Variants in SLC2A13 observed in about 807,000 individuals in gnomAD.
The protein encoded by SLC2A13 is proton myo-inositol cotransporter.
SLC2A13 carries 32 observed loss-of-function variants against 64.4 expected under a neutral mutation model. The ratio of observed to expected loss-of-function variants is 0.50; its 90% CI spans 0.37 to 0.67. The LOEUF (loss-of-function observed/expected upper bound fraction) is 0.67. SLC2A13 is among the 30% of genes least tolerant of loss of function. The pLI is 0.00. For synonymous variants in SLC2A13, 338 were observed against 327.1 expected, an observed-to-expected ratio of 1.03 and a Z score of -0.36; for missense variants, 743 against 829.2, an observed-to-expected ratio of 0.90 and a Z score of 1.28.
chr12:39,942,566 C>A (rs887059303), intron 4 of SLC2A13, among the ~76,000 whole-genome samples: 1 of 152,126 alleles, frequency 6.6e-6, no homozygotes, highest in African/African-American at 2.4e-5. Flanking sequence ...AATCTTGTAC[C>A]AGGAAACTTT....
chr12:40,070,027 G>T (rs1937891606), intron 1 of SLC2A13, among the ~76,000 whole-genome samples: 1 of 151,964 alleles, frequency 6.6e-6, no homozygotes, highest in African/African-American at 2.4e-5. Flanking sequence ...TATCATAAGT[G>T]AATGCAATAA....
chr12:39,990,013 T>C (rs1257214314), intron 3 of SLC2A13, among the ~76,000 whole-genome samples: 1 of 152,212 alleles, frequency 6.6e-6, no homozygotes, highest in African/African-American at 2.4e-5. Flanking sequence ...GATAGGACTA[T>C]AGCTCTAATT....
At chr12:39,789,884 T>G (rs971266688) in intron 7 of SLC2A13, among the ~76,000 whole-genome samples, 1 of 152,156 alleles carries the variant, frequency 6.6e-6, no homozygotes, top group South Asian at 2.1e-4. Context: ...TTGGACAGTT[T>G]GCCTATTTCT....
intron 4 of SLC2A13, among the ~76,000 whole-genome samples, chr12:39,893,907 T>C (rs1944675866): frequency 6.6e-6 from 1 of 152,226 alleles, no homozygotes; most frequent in Admixed American, 6.5e-5. Flanking sequence ...AAATCCATTA[T>C]TTTTATTGAA....
chr12:40,021,260 A>G (rs28370668), intron 3 of SLC2A13, among the ~76,000 whole-genome samples: 1 of 152,236 alleles, frequency 6.6e-6, no homozygotes, highest in African/African-American at 2.4e-5. Context: ...ATATAACAAC[A>G]GAACAGTCAA....
chr12:39,773,280 TGA>T (rs1940651403), intron 7 of SLC2A13, among the ~76,000 whole-genome samples: 1 of 152,128 alleles, frequency 6.6e-6, no homozygotes, highest in Non-Finnish European at 1.5e-5. Context: ...TGCAATCAGG[TGA>T]AATATGTCTC....
intron 1 of SLC2A13, among the ~76,000 whole-genome samples, chr12:40,095,387 A>G (rs933047556): frequency 3.3e-5 from 5 of 152,208 alleles, no homozygotes; most frequent in Admixed American, 3.3e-4. Context: ...CTAAACATAC[A>G]CCTTTATTCC....
At chr12:39,831,407 C>T (rs1942847522) in intron 6 of SLC2A13, among the ~76,000 whole-genome samples, 1 of 152,096 alleles carries the variant, frequency 6.6e-6, no homozygotes, top group Non-Finnish European at 1.5e-5. Context: ...TTACTGTGTA[C>T]AAGTCGTGAT....
chr12:39,872,034 A>G (rs1253868964), intron 4 of SLC2A13, 73 bp from the exon 5 acceptor site: 1 of 1,316,054 alleles, frequency 7.6e-7, no homozygotes, highest in Non-Finnish European at 1.0e-6. Flanking sequence ...ATAGAAAAAG[A>G]TGTATTCAAT....
chr12:40,062,838 C>T (rs1948445764), intron 1 of SLC2A13, among the ~76,000 whole-genome samples: 1 of 152,036 alleles, frequency 6.6e-6, no homozygotes, highest in Non-Finnish European at 1.5e-5. Flanking sequence ...TACTACCCTG[C>T]TTTATCTATC....
chr12:39,990,958 A>T (rs1276853305), intron 3 of SLC2A13, among the ~76,000 whole-genome samples: 1 of 152,092 alleles, frequency 6.6e-6, no homozygotes, highest in Non-Finnish European at 1.5e-5. Context: ...TCTCCCCCTG[A>T]AGTGTGTGCC....
chr12:40,068,292 C>T, intron 1 of SLC2A13: 2 of 409,404 alleles, frequency 4.9e-6, no homozygotes, highest in South Asian at 3.6e-5. Flanking sequence ...ATCAGAATAA[C>T]CTGGATCAAT....
chr12:40,075,808 G>C (rs1038272656), intron 1 of SLC2A13, among the ~76,000 whole-genome samples: 1 of 151,660 alleles, frequency 6.6e-6, no homozygotes. Flanking sequence ...TCTTATTTTA[G>C]GTAATTTCTA....
chr12:39,770,586 T>C (rs1434263012), intron 7 of SLC2A13, among the ~76,000 whole-genome samples: 1 of 152,154 alleles, frequency 6.6e-6, no homozygotes, highest in Non-Finnish European at 1.5e-5. Flanking sequence ...GGGAAAGAAC[T>C]GTATCATGGG....
At chr12:39,766,972 A>C (rs2135717096) in intron 7 of SLC2A13, among the ~76,000 whole-genome samples, 1 of 152,210 alleles carries the variant, frequency 6.6e-6, no homozygotes, top group Admixed American at 6.5e-5. Context: ...CTTCTTGCAA[A>C]CTTCCAAACT....
intron 7 of SLC2A13, among the ~76,000 whole-genome samples, chr12:39,774,110 T>C (rs1028234848): frequency 6.6e-6 from 1 of 152,176 alleles, no homozygotes; most frequent in Non-Finnish European, 1.5e-5. Context: ...TCTTTATTGA[T>C]AGAAATTTAT....
intron 4 of SLC2A13, among the ~76,000 whole-genome samples, chr12:39,896,614 T>A (rs900321546): frequency 5.3e-5 from 8 of 150,930 alleles, no homozygotes; most frequent in Admixed American, 2.0e-4. Context: ...GTATATGTGT[T>A]TATATGTAAA....
intron 2 of SLC2A13, among the ~76,000 whole-genome samples, chr12:40,042,910 T>A (rs1948111208): frequency 7.2e-6 from 1 of 138,956 alleles, no homozygotes; most frequent in Non-Finnish European, 1.5e-5. Flanking sequence ...TGGACCAGAA[T>A]CCCTGGATAG....
At chr12:39,932,142 T>G (rs1396700832) in intron 4 of SLC2A13, among the ~76,000 whole-genome samples, 2 of 152,152 alleles carry the variant, frequency 1.3e-5, no homozygotes, top group African/African-American at 4.8e-5. Flanking sequence ...ATGGAATAAG[T>G]AGTATACAGG....
Sources: allele counts gnomAD v4.1 joint callset (sites outside exome capture counted in the v4.1 genomes callset), GRCh38; gene constraint gnomAD v4.1.1; transcripts MANE v1.5; gene names NCBI Gene and HGNC (gene_info 2026-07-23, HGNC 2026-07-21).